Variants in VPS13B observed in about 807,000 individuals in gnomAD.
VPS13B encodes the protein intermembrane lipid transfer protein VPS13B.
Under a neutral mutation model 426.4 loss-of-function variants are expected in VPS13B, and 285 were observed. The ratio of observed to expected loss-of-function variants is 0.67; its 90% CI spans 0.61 to 0.74. VPS13B has a LOEUF of 0.74. VPS13B is among the 30% of genes least tolerant of loss of function. The pLI, the probability that VPS13B is intolerant of heterozygous loss-of-function variation, is 0.00. For missense variants in VPS13B, 4,537 were observed against 4,782.6 expected (o/e 0.95, Z 1.51); for synonymous variants, 1,676 against 1,676.4 (o/e 1.00, Z 0.01).
chr8:99,697,151 A>G (rs1178041139), intron 35 of VPS13B: 4 of 537,696 alleles, frequency 7.4e-6, no homozygotes, highest in Non-Finnish European at 1.4e-5. Context: ...AGACTCTCCC[A>G]GAGATTGTGG....
Position 99,156,729 on chromosome 8 carries a change from C to T in VPS13B, c.2194C>T (p.His732Tyr). 6.2e-7 allele frequency: 1 copy of T among 1,613,982 alleles called. No homozygotes were observed. The highest frequency in any genetic ancestry group is 8.5e-7 in the Non-Finnish European group (1 of 1,179,880). ...SDNLLHYCYV[H>Y]CYLKIFGFQA... ...TAACCTGCTTCATTATTGTTATGTA[C>T]ACTGCTATCTTAAGGTATGAAAAGT... The change falls in exon 15 of 62, where the codon CAC becomes TAC. Residue 732 changes from histidine (H) to tyrosine (Y), a missense_variant. His to Tyr is a moderately conservative substitution (Grantham distance 83, BLOSUM62 2). Around this residue, in one of 2 missense-constraint regions of VPS13B, gnomAD observed 4,311 missense variants for 4,474.3 expected, o/e 0.96. Transcript: ENST00000357162.
chr8:99,303,495 G>T (rs959364508), intron 19 of VPS13B, among the ~76,000 whole-genome samples: 25 of 151,234 alleles, frequency 1.7e-4, no homozygotes, highest in Admixed American at 1.6e-3. Context: ...TTAAAGTCTT[G>T]TGCATTCTAG....
At chr8:99,588,696 G>A (rs1826437407) in intron 33 of VPS13B, among the ~76,000 whole-genome samples, 2 of 151,744 alleles carry the variant, frequency 1.3e-5, no homozygotes, top group African/African-American at 4.9e-5. Context: ...TTGCTTATCA[G>A]CTTAAGGAGA....
chr8:99,808,847 G>C (rs909987978), intron 43 of VPS13B, among the ~76,000 whole-genome samples: 1 of 151,432 alleles, frequency 6.6e-6, no homozygotes, highest in Non-Finnish European at 1.5e-5. Context: ...AATGTTGAGG[G>C]TATTTCTAAT....
chr8:99,277,225 A>G (rs1343685803), intron 19 of VPS13B, among the ~76,000 whole-genome samples: 2 of 152,092 alleles, frequency 1.3e-5, no homozygotes, highest in Non-Finnish European at 2.9e-5. Flanking sequence ...TAATGTGATC[A>G]TGTATTTAAT....
chr8:99,031,237 G>C (rs1842496490), intron 2 of VPS13B, among the ~76,000 whole-genome samples: 2 of 151,834 alleles, frequency 1.3e-5, no homozygotes, highest in African/African-American at 4.8e-5. Context: ...CAAGATTTCT[G>C]TTTGGTTCTT....
chr8:99,215,743 G>A (rs1393829696), intron 17 of VPS13B, among the ~76,000 whole-genome samples: 3 of 152,118 alleles, frequency 2.0e-5, no homozygotes, highest in Admixed American at 2.0e-4. Context: ...AACAACCTCT[G>A]CCTTGCAAGT....
chr8:99,434,731 G>C (rs1227610917), intron 22 of VPS13B, among the ~76,000 whole-genome samples: 5 of 152,152 alleles, frequency 3.3e-5, no homozygotes, highest in Non-Finnish European at 7.4e-5. Context: ...GAAGAATGGG[G>C]GGAAGAAAGT....
intron 61 of VPS13B, chr8:99,873,112 C>T (rs1217009354): frequency 6.6e-6 from 1 of 152,206 alleles, no homozygotes; most frequent in East Asian, 1.9e-4. Flanking sequence ...ACGATTAAAT[C>T]TTTAGTCCTT....
chr8:99,727,546 G>A (rs1335005719), intron 39 of VPS13B, among the ~76,000 whole-genome samples: 1 of 152,192 alleles, frequency 6.6e-6, no homozygotes, highest in East Asian at 1.9e-4. Context: ...TTACATGGAT[G>A]GCAGCAGGCA....
Position 99,592,036 on chromosome 8 carries a change from C to G in VPS13B, c.5220+14403C>G, listed in dbSNP as rs147401118. Among the ~76,000 whole-genome samples the G allele has an allele frequency of 6.3e-3, 951 of 152,110 alleles. 8 individuals are homozygous for G. The highest frequency in any genetic ancestry group is 0.022 in the African/African-American group (893 of 41,524). ...CACGTAGTCCCATATTTCTTGGAGG[C>G]TTTTTTCTTTTCTTTTCTCTTTTTT... is the stretch of plus-strand genomic sequence containing the variant. On this transcript the variant is annotated intron_variant, in intron 33 of 61. Coordinates refer to ENST00000357162, the MANE Select transcript of VPS13B (RefSeq NM_152564.5).
chr8:99,663,775 A>G (rs953065197), intron 35 of VPS13B, among the ~76,000 whole-genome samples: 1 of 152,154 alleles, frequency 6.6e-6, no homozygotes, highest in Non-Finnish European at 1.5e-5. Flanking sequence ...TTAGTTTCAC[A>G]TTCGTTTTGT....
intron 19 of VPS13B, among the ~76,000 whole-genome samples, chr8:99,325,906 T>C (rs1810232986): frequency 6.6e-6 from 1 of 152,192 alleles, no homozygotes; most frequent in Admixed American, 6.5e-5. Context: ...AAAATAAATT[T>C]TTATTCTTTA....
At chr8:99,296,154 T>C (rs1820029744) in intron 19 of VPS13B, among the ~76,000 whole-genome samples, 1 of 152,236 alleles carries the variant, frequency 6.6e-6, no homozygotes, top group Non-Finnish European at 1.5e-5. Context: ...CTGTACATTA[T>C]GTAAATATTA....
intron 39 of VPS13B, among the ~76,000 whole-genome samples, chr8:99,734,035 C>T (rs1250404614): frequency 6.6e-6 from 1 of 152,140 alleles, no homozygotes; most frequent in African/African-American, 2.4e-5. Flanking sequence ...TCTTCCCAAC[C>T]CCCAGCCCTA....
chr8:99,079,925 C>CAA (rs1354807619), intron 3 of VPS13B, among the ~76,000 whole-genome samples: 1 of 119,920 alleles, frequency 8.3e-6, no homozygotes. Flanking sequence ...AACTCCATCT[C>CAA]AAAAAAAAAA....
intron 19 of VPS13B, among the ~76,000 whole-genome samples, chr8:99,374,822 G>C (rs1813397282): frequency 1.3e-5 from 2 of 152,126 alleles, no homozygotes; most frequent in Admixed American, 1.3e-4. Context: ...GTTTTTGTAT[G>C]GTTTGTAGTT....
At chr8:99,444,541 A>C (rs1310540577) in intron 23 of VPS13B, among the ~76,000 whole-genome samples, 1 of 152,172 alleles carries the variant, frequency 6.6e-6, no homozygotes, top group African/African-American at 2.4e-5. Flanking sequence ...TTTTACTATA[A>C]AAATAGTAAA....
intron 17 of VPS13B, among the ~76,000 whole-genome samples, chr8:99,202,894 C>T (rs570403203): frequency 1.3e-5 from 2 of 151,980 alleles, no homozygotes; most frequent in African/African-American, 4.8e-5. Context: ...ATTAACTGGG[C>T]GTGGTGGTGG....
Sources: allele counts gnomAD v4.1 joint callset (sites outside exome capture counted in the v4.1 genomes callset), GRCh38; gene constraint gnomAD v4.1.1; regional missense constraint gnomAD v4.1.1; transcripts MANE v1.5; gene names NCBI Gene and HGNC (gene_info 2026-07-23, HGNC 2026-07-21).